GRAMD1C: variants seen among roughly 807,000 people sequenced by gnomAD.
GRAMD1C encodes the protein GRAM domain containing 1C.
A neutral mutation model predicts 97.8 loss-of-function variants in GRAMD1C; 89 were observed. The observed-to-expected ratio is 0.91, with a 90% CI of 0.77 to 1.09. The LOEUF (loss-of-function observed/expected upper bound fraction) is 1.09, where lower values mean the gene tolerates loss of function less well. GRAMD1C is among the 50% of genes least tolerant of loss of function. The pLI is 0.00. For synonymous variants in GRAMD1C, 256 were observed against 267.0 expected, an observed-to-expected ratio of 0.96 and a Z score of 0.40; for missense variants, 740 against 766.4, an observed-to-expected ratio of 0.97 and a Z score of 0.41.
chr3:113,916,927 T>A (rs1311687567), intron 10 of GRAMD1C, among the ~76,000 whole-genome samples: 1 of 152,080 alleles, frequency 6.6e-6, no homozygotes, highest in Admixed American at 6.6e-5. Flanking sequence ...GGTGGGTGAA[T>A]TGCTCGAGCC....
At chr3:113,870,385 A>G (rs902464911) in intron 3 of GRAMD1C, among the ~76,000 whole-genome samples, 1 of 151,956 alleles carries the variant, frequency 6.6e-6, no homozygotes, top group African/African-American at 2.4e-5. Context: ...CGCTCAAAAA[A>G]AAAAAGAGAG....
rs1249053990 is a variant in GRAMD1C, at chr3:113,864,587, A to G, written c.175-4920A>G. Among the ~76,000 whole-genome samples, 5 of 152,278 alleles carry G rather than the reference A, an allele frequency of 3.3e-5. No homozygotes were observed. In the East Asian group the frequency reaches 9.6e-4, roughly 29 times the overall value. ...ATCCCCAAAGCCCTAGGACATGGAT[A>G]CAATGCCACCAAGTTCTTTGCTATT... On this transcript the variant is annotated intron_variant, in intron 2 of 17. Transcript: ENST00000358160.
chr3:113,885,164 C>T, intron 6 of GRAMD1C: 1 of 612,682 alleles, frequency 1.6e-6, no homozygotes, highest in South Asian at 2.0e-5. Flanking sequence ...GCCGCCCGCT[C>T]CGTGCCCCTC....
intron 6 of GRAMD1C, among the ~76,000 whole-genome samples, chr3:113,887,674 C>G (rs1935561036): frequency 7.0e-6 from 1 of 143,298 alleles, no homozygotes; most frequent in Admixed American, 7.1e-5. Context: ...CTCCACTGCA[C>G]TCCAACCTGG....
chr3:113,945,781 G>T lies in GRAMD1C; in HGVS notation c.*303G>T. The T allele has an allele frequency of 7.1e-6, 2 of 281,066 alleles. No homozygotes were observed. Among genetic ancestry groups the T allele is most frequent in the South Asian group, 4.9e-5 (1 of 20,320 alleles). 17.4% of individuals were successfully genotyped at this position (281,066 alleles called of 1,614,324 possible). ...GAAAATGACACACCCTGAATTGAGT[G>T]GTATGGTCTCATTTCTACAGTGAAG... On this transcript the variant is annotated 3_prime_UTR_variant, in exon 18 of 18. Coordinates refer to ENST00000358160, the MANE Select transcript of GRAMD1C (RefSeq NM_017577.5).
chr3:113,831,940 T>C (rs1413605250), intron 1 of GRAMD1C, among the ~76,000 whole-genome samples: 2 of 152,204 alleles, frequency 1.3e-5, no homozygotes, highest in East Asian at 1.9e-4. Flanking sequence ...GTTTCTATTA[T>C]TTTTCTCTGT....
At chr3:113,906,082 A>G (rs1401265062) in intron 8 of GRAMD1C, among the ~76,000 whole-genome samples, 1 of 152,200 alleles carries the variant, frequency 6.6e-6, no homozygotes, top group East Asian at 1.9e-4. Flanking sequence ...CGTTGCTCAC[A>G]TGTTTGTGGT....
intron 9 of GRAMD1C, 26 bp from the exon 10 acceptor site, chr3:113,915,673 CTT>C (rs772438904): frequency 4.4e-6 from 7 of 1,587,224 alleles, no homozygotes; most frequent in Non-Finnish European, 6.0e-6. Flanking sequence ...GATTTCTTCT[CTT>C]TTGGTTTGTG....
chr3:113,850,831 T>G, intron 2 of GRAMD1C: 1 of 454,896 alleles, frequency 2.2e-6, no homozygotes, highest in East Asian at 4.5e-5. Flanking sequence ...AGATGGAGTA[T>G]TGCTCTGTCA....
upstream of GRAMD1C, among the ~76,000 whole-genome samples, chr3:113,834,062 G>A (rs1193591835): frequency 6.6e-6 from 1 of 152,084 alleles, no homozygotes; most frequent in African/African-American, 2.4e-5. Context: ...GGATTATTTT[G>A]CATGTGTGCA....
chr3:113,945,462 T>G lies in GRAMD1C; in HGVS notation c.1973T>G (p.Met658Arg), dbSNP rs1474563364. The G allele has an allele frequency of 6.3e-7, 1 of 1,588,436 alleles. No homozygotes were observed. The highest frequency in any genetic ancestry group is 8.6e-7 in the Non-Finnish European group (1 of 1,157,388). Residue 658 changes from methionine (M) to arginine (R), a missense_variant, in exon 18 of 18, where the codon ATG (methionine) becomes AGG (arginine). By Grantham distance (91) the Met-to-Arg change is moderately conservative. Coordinates refer to ENST00000358160, the MANE Select transcript of GRAMD1C (RefSeq NM_017577.5). ...CTACTAAATAAGAATAAGACTGGCATGGCTGTTGAAAGCTAGTGATCTGAA... is the reference window on the plus strand; with the variant it reads ...CTACTAAATAAGAATAAGACTGGCAGGGCTGTTGAAAGCTAGTGATCTGAA... ...FDLLNKNKTG[M>R]AVES is the part of the protein sequence containing the mutation.
intron 9 of GRAMD1C, chr3:113,913,207 C>A: frequency 1.6e-6 from 1 of 620,468 alleles, no homozygotes; most frequent in Non-Finnish European, 2.6e-6. Flanking sequence ...TTCTCACCTG[C>A]TTCTTTTATA....
Position 113,901,065 on chromosome 3 carries a change from A to G in GRAMD1C, c.575A>G (p.Gln192Arg). ...LTRQEFWQLL[Q>R]QNYGTELGLN... The stretch of plus-strand genomic sequence containing the variant: ...AGACAGGAATTCTGGCAACTGCTCC[A>G]GCAGAACTATGGCACTGAGCTAGGT... Residue 192 changes from glutamine (Q) to arginine (R), a missense_variant, in exon 7 of 18, where the codon CAG (glutamine) becomes CGG (arginine). Coordinates refer to ENST00000358160, the MANE Select transcript of GRAMD1C (RefSeq NM_017577.5). 1.2e-6 allele frequency: 2 copies of G among 1,609,594 alleles called. No individual in the cohort carries two copies.
intron 8 of GRAMD1C, among the ~76,000 whole-genome samples, chr3:113,908,579 C>T (rs1418434488): frequency 1.3e-5 from 2 of 152,254 alleles, no homozygotes; most frequent in South Asian, 2.1e-4. Context: ...GGGGCAGGCA[C>T]TGGCTGGGGA....
chr3:113,934,539 T>C lies in GRAMD1C; in HGVS notation c.1456+4T>C. The C allele has an allele frequency of 7.6e-7, 1 of 1,322,660 alleles. No individual in the cohort carries two copies. Among genetic ancestry groups the C allele is most frequent in the Admixed American group, 2.2e-5 (1 of 45,176 alleles). 81.9% of individuals were successfully genotyped at this position (1,322,660 alleles called of 1,614,324 possible). On this transcript the variant is annotated splice_donor_region_variant and intron_variant, in intron 13 of 17. Transcript: ENST00000358160. ...GAGGACTATTTCAAACAGCTTGGTT[T>C]GTAAATTTTTTTATTTATCTATTTT...
At chr3:113,830,259 T>A (rs887041657) in intron 1 of GRAMD1C, among the ~76,000 whole-genome samples, 2 of 152,176 alleles carry the variant, frequency 1.3e-5, no homozygotes, top group African/African-American at 4.8e-5. Context: ...GCCTCTTTAC[T>A]GTACACGTGG....
chr3:113,834,650 A>C (rs1709608461), upstream of GRAMD1C, among the ~76,000 whole-genome samples: 1 of 151,830 alleles, frequency 6.6e-6, no homozygotes, highest in South Asian at 2.1e-4. Context: ...TTTAAGAGAC[A>C]TTTGCCCAGG....
intron 6 of GRAMD1C, among the ~76,000 whole-genome samples, chr3:113,900,811 AT>A (rs1936140729): frequency 6.6e-6 from 1 of 152,060 alleles, no homozygotes; most frequent in South Asian, 2.1e-4. Flanking sequence ...CTTTAAAATC[AT>A]TTTATCTATT....
chr3:113,918,163 T>C (rs1936907414), intron 10 of GRAMD1C, among the ~76,000 whole-genome samples: 1 of 152,200 alleles, frequency 6.6e-6, no homozygotes, highest in Non-Finnish European at 1.5e-5. Flanking sequence ...AAAAATTATC[T>C]TTTCTGTTCT....
Sources: allele counts gnomAD v4.1 joint callset (sites outside exome capture counted in the v4.1 genomes callset), GRCh38; gene constraint gnomAD v4.1.1; transcripts MANE v1.5; gene names NCBI Gene and HGNC (gene_info 2026-07-23, HGNC 2026-07-21).